Variants in FAT4 observed in about 807,000 individuals in gnomAD.
FAT4 encodes the protein FAT atypical cadherin 4.
Under a neutral mutation model 303.9 loss-of-function variants are expected in FAT4, and 84 were observed. The ratio of observed to expected loss-of-function variants is 0.28; its 90% confidence interval spans 0.23 to 0.33. The LOEUF (loss-of-function observed/expected upper bound fraction) is 0.33. FAT4 is among the 10% of genes least tolerant of loss of function. FAT4 has a pLI of 1.00. For synonymous variants in FAT4, 2,307 were observed against 2,298.8 expected (o/e 1.00, Z -0.10); for missense variants, 6,005 against 6,146.8 (o/e 0.98, Z 0.77).
At chr4:125,401,970 T>C (rs1450790213) in intron 3 of FAT4, among the ~76,000 whole-genome samples, 3 of 151,960 alleles carry the variant, frequency 2.0e-5, no homozygotes, top group African/African-American at 7.2e-5. Context: ...TTGTTTCTTG[T>C]TTTGTTGCTG....
At chr4:125,394,324 C>A (rs989111528) in intron 2 of FAT4, among the ~76,000 whole-genome samples, 2 of 152,048 alleles carry the variant, frequency 1.3e-5, no homozygotes, top group South Asian at 4.1e-4. Flanking sequence ...TGTGTTTTTG[C>A]AAAATGTTTA....
intron 2 of FAT4, among the ~76,000 whole-genome samples, chr4:125,349,486 T>G (rs1732136473): frequency 6.6e-6 from 1 of 151,868 alleles, no homozygotes; most frequent in Non-Finnish European, 1.5e-5. Flanking sequence ...ACTGTGTTTC[T>G]CATTCACCCT....
At chr4:125,426,052 A>T (rs1341357473) in intron 7 of FAT4, among the ~76,000 whole-genome samples, 2 of 152,076 alleles carry the variant, frequency 1.3e-5, no homozygotes, top group Admixed American at 1.3e-4. Flanking sequence ...ATCATGCTTT[A>T]TTTTATTGGT....
chr4:125,436,867 T>C (rs1410389738), intron 8 of FAT4, among the ~76,000 whole-genome samples: 4 of 152,136 alleles, frequency 2.6e-5, no homozygotes. Context: ...TCTATGTATT[T>C]TTTTTGAGAT....
Position 125,416,564 on chromosome 4 carries a change from G to C in FAT4, c.6960G>C (p.Gln2320His). The C allele has an allele frequency of 6.2e-7, 1 of 1,614,034 alleles. No homozygotes were observed. Among genetic ancestry groups the C allele is most frequent in the Non-Finnish European group, 8.5e-7 (1 of 1,179,928 alleles). Residue 2320 changes from glutamine (Q) to histidine (H), a missense_variant, in exon 7 of 18, where the codon CAG becomes CAC. By Grantham distance (24) the Gln-to-His change is conservative (BLOSUM62 0). Coordinates refer to ENST00000394329, the MANE Select transcript of FAT4 (RefSeq NM_001291303.3). ...CCAGTGGAGAACTTGGAGTAACACA[G>C]AGTCTGGATCGGGAAACAAAAGAGC... ...LSASGELGVT[Q>H]SLDRETKERF...
intron 8 of FAT4, among the ~76,000 whole-genome samples, chr4:125,441,861 C>A (rs944188609): frequency 9.9e-5 from 15 of 152,158 alleles, no homozygotes; most frequent in African/African-American, 3.6e-4. Flanking sequence ...TGTGCTTTCC[C>A]AAGCCTTATA....
At chr4:125,427,531 G>A (rs1442145303) in intron 7 of FAT4, among the ~76,000 whole-genome samples, 6 of 149,852 alleles carry the variant, frequency 4.0e-5, no homozygotes, top group African/African-American at 1.5e-4. Context: ...CAGAAGTGTT[G>A]TTAATATTTA....
rs560036057 is a variant in FAT4, at chr4:125,384,541, T to C, written c.5176-14243T>C. Among the ~76,000 whole-genome samples the C allele has an allele frequency of 2.0e-5, 3 of 152,286 alleles. No individual in the cohort carries two copies. The South Asian group carries it at 6.2e-4, about 32-fold the overall frequency. ...ATTATTGAATTGTATTAGTTCTTTA[T>C]ATATTTTGGATATAAGTCCCTTTCA... On this transcript the variant is annotated intron_variant, in intron 2 of 17. Coordinates refer to ENST00000394329, the MANE Select transcript of FAT4 (RefSeq NM_001291303.3).
At chr4:125,418,409 C>T (rs935401717) in intron 7 of FAT4, among the ~76,000 whole-genome samples, 1 of 152,064 alleles carries the variant, frequency 6.6e-6, no homozygotes, top group Admixed American at 6.6e-5. Flanking sequence ...TTTAAACTCT[C>T]ATCATATTTT....
intron 12 of FAT4, among the ~76,000 whole-genome samples, chr4:125,475,573 A>T (rs1726999143): frequency 6.6e-6 from 1 of 152,100 alleles, no homozygotes; most frequent in Non-Finnish European, 1.5e-5. Flanking sequence ...TTATACAGAA[A>T]TATGCTGTAA....
rs1007816476 is a variant in FAT4, at chr4:125,452,376, A to G, written c.11366A>G (p.Lys3789Arg). 2.5e-5 allele frequency: 41 copies of G among 1,614,090 alleles called. No individual in the cohort carries two copies. The highest frequency in any genetic ancestry group is 1.6e-4 in the Middle Eastern group (1 of 6,084). Residue 3789 changes from lysine to arginine, a missense_variant, in exon 10 of 18, where the codon AAA becomes AGA. Lys to Arg is a conservative substitution (Grantham distance 26). Transcript: ENST00000394329. ...GTAGCCACCTTCTTTGAAAGCATCA[A>G]AGAGATCCTTCTCCGGCAGAGTGGA... Reference protein sequence around the residue: ...SGVATFFESIKEILLRQSGVK... With the variant: ...SGVATFFESIREILLRQSGVK...
chr4:125,467,847 T>C (rs1300394391), intron 11 of FAT4, among the ~76,000 whole-genome samples: 1 of 152,176 alleles, frequency 6.6e-6, no homozygotes, highest in Admixed American at 6.5e-5. Flanking sequence ...CTGAAAATTG[T>C]AGCATAATAC....
At chr4:125,386,657 A>G (rs2126003109) in intron 2 of FAT4, among the ~76,000 whole-genome samples, 1 of 152,318 alleles carries the variant, frequency 6.6e-6, no homozygotes, top group South Asian at 2.1e-4. Flanking sequence ...ATTTCTTTAG[A>G]ACATATACTT....
chr4:125,353,131 A>T (rs1382560876), intron 2 of FAT4, among the ~76,000 whole-genome samples: 2 of 151,766 alleles, frequency 1.3e-5, no homozygotes, highest in East Asian at 3.9e-4. Context: ...ATTTTATGTG[A>T]CCAAAATCGG....
At chr4:125,478,148 G>A (rs751591993) in intron 14 of FAT4, among the ~76,000 whole-genome samples, 1 of 152,114 alleles carries the variant, frequency 6.6e-6, no homozygotes, top group Non-Finnish European at 1.5e-5. Flanking sequence ...GAGATTACCA[G>A]AAATAAAACT....
At position 125,408,429 on chromosome 4, in the gene FAT4, T is replaced by C. The variant is rs1325617018; in HGVS notation, c.5570-15T>C. ...ACTTCCTTGATTTTATACTATTAAT[T>C]TATTCTTTTGATAGGTTCTTTGGTA... On this transcript the variant is annotated splice_polypyrimidine_tract_variant and intron_variant, in intron 4 of 17. Coordinates refer to ENST00000394329, the MANE Select transcript of FAT4 (RefSeq NM_001291303.3). The C allele has an allele frequency of 6.6e-7, 1 of 1,514,040 alleles. No individual in the cohort carries two copies. The highest frequency in any genetic ancestry group is 2.3e-5 in the East Asian group (1 of 44,204). The allele number at this position is 1,514,040 out of a possible 1,614,324, so 93.8% of individuals were successfully genotyped here. A position where few individuals can be genotyped will look rare whatever the true frequency, so the allele number is the denominator to read the frequency against.
rs375503976 is a variant in FAT4, at chr4:125,382,199, T to C, written c.5176-16585T>C. 1.6e-4 allele frequency among the ~76,000 whole-genome samples: 24 copies of C among 152,330 alleles called. 1 individual carries two copies. In the East Asian group the frequency reaches 2.3e-3, roughly 15 times the overall value. On this transcript the variant is annotated intron_variant, in intron 2 of 17. Transcript: ENST00000394329. Reference sequence around the variant, plus strand: ...AATCACAAATGTCTTTAATGGCATCTAGAATGGTGAATTCTTTCCAAGTTT... The same window carrying C: ...AATCACAAATGTCTTTAATGGCATCCAGAATGGTGAATTCTTTCCAAGTTT...
At chr4:125,421,998 T>A (rs566119703) in intron 7 of FAT4, among the ~76,000 whole-genome samples, 1 of 152,180 alleles carries the variant, frequency 6.6e-6, no homozygotes, top group Non-Finnish European at 1.5e-5. Flanking sequence ...AAATATTTTC[T>A]TTTTTACTTT....
chr4:125,420,893 C>A (rs531793238), intron 7 of FAT4, among the ~76,000 whole-genome samples: 28 of 152,168 alleles, frequency 1.8e-4, no homozygotes, highest in Non-Finnish European at 3.2e-4. Context: ...AATTCAAAAC[C>A]TGCATGAGCA....
Sources: allele counts gnomAD v4.1 joint callset (sites outside exome capture counted in the v4.1 genomes callset), GRCh38; gene constraint gnomAD v4.1.1; transcripts MANE v1.5; gene names NCBI Gene and HGNC (gene_info 2026-07-23, HGNC 2026-07-21).